Variants in FRA10AC1 observed in about 807,000 individuals in gnomAD.
FRA10AC1 encodes protein FRA10AC1.
In FRA10AC1, 43 loss-of-function variants were observed where a neutral mutation model predicts 56.5. The ratio of observed to expected loss-of-function variants is 0.76; its 90% confidence interval spans 0.60 to 0.98. The LOEUF (loss-of-function observed/expected upper bound fraction) is 0.98, where lower values mean the gene tolerates loss of function less well. FRA10AC1 is among the 50% of genes least tolerant of loss of function. FRA10AC1 has a pLI of 0.00. For missense variants in FRA10AC1, 346 were observed against 351.8 expected (o/e 0.98, Z 0.13); for synonymous variants, 112 against 110.5 (o/e 1.01, Z -0.09).
In FRA10AC1 at chr10:93,685,285, T is replaced by C. The variant is rs1261740768; in HGVS notation, c.586A>G (p.Ile196Val). Reference protein sequence around the residue: ...LKSWEVNFGYIEHGEKRNALV... With the variant: ...LKSWEVNFGYVEHGEKRNALV... ...GCATTTCTCTTCTCACCATGCTCAA[T>C]ATAACCAAAATTAACTTCCCAACTC... is the stretch of plus-strand genomic sequence containing the variant. Residue 196 changes from isoleucine to valine, a missense_variant, in exon 9 of 14, where the codon ATT (isoleucine) becomes GTT (valine). Coordinates refer to ENST00000359204, the MANE Select transcript of FRA10AC1 (RefSeq NM_145246.5). The C allele has an allele frequency of 2.0e-5, 31 of 1,585,842 alleles. No homozygotes were observed. The highest frequency in any genetic ancestry group is 2.2e-5 in the Non-Finnish European group (26 of 1,156,324).
intron 2 of FRA10AC1, among the ~76,000 whole-genome samples, chr10:93,698,603 G>A (rs1457738400): frequency 6.6e-6 from 1 of 152,084 alleles, no homozygotes; most frequent in East Asian, 1.9e-4. Context: ...CGGGGAAGAT[G>A]AAACTAACAA....
chr10:93,671,088 A>C (rs1380690001), intron 12 of FRA10AC1: 2 of 390,210 alleles, frequency 5.1e-6, no homozygotes, highest in Non-Finnish European at 9.4e-6. Flanking sequence ...AACTTCTCTA[A>C]GTTACACTGA....
At chr10:93,670,071 AAAAAT>A (rs1383976948) in intron 13 of FRA10AC1, among the ~76,000 whole-genome samples, 1 of 152,154 alleles carries the variant, frequency 6.6e-6, no homozygotes, top group African/African-American at 2.4e-5. Context: ...TGATTAAAAT[AAAAAT>A]ATTTCATATG....
At chr10:93,687,593 A>G (rs1006168196) in intron 7 of FRA10AC1, 144 bp from the exon 8 acceptor site, 2 of 763,500 alleles carry the variant, frequency 2.6e-6, no homozygotes, top group South Asian at 4.5e-5. Flanking sequence ...ATAGGATTTG[A>G]AGAAAATACA....
chr10:93,691,908 A>G lies in FRA10AC1; in HGVS notation c.465+101T>C, dbSNP rs1228175449. 6 of 1,265,258 alleles carry G rather than the reference A, an allele frequency of 4.7e-6. No homozygotes were observed. In the African/African-American group the frequency reaches 9.5e-5, roughly 20 times the overall value. 78.4% of individuals were successfully genotyped at this position (1,265,258 alleles called of 1,614,324 possible). Reference sequence around the variant, plus strand: ...TAAACGCAGGACAACTGAGTCTAGAATTAGCATCTTTAAAAGAATAATGTG... The same window carrying G: ...TAAACGCAGGACAACTGAGTCTAGAGTTAGCATCTTTAAAAGAATAATGTG... On this transcript the variant is annotated intron_variant, in intron 7 of 13. Coordinates refer to ENST00000359204, the MANE Select transcript of FRA10AC1 (RefSeq NM_145246.5).
chr10:93,671,356 C>A (rs1307005001), intron 12 of FRA10AC1: 1 of 152,596 alleles, frequency 6.6e-6, no homozygotes. Flanking sequence ...TGAGAAGAAG[C>A]CTGTTTCAGG....
chr10:93,690,838 T>G (rs907223277), intron 7 of FRA10AC1, among the ~76,000 whole-genome samples: 1 of 152,144 alleles, frequency 6.6e-6, no homozygotes, highest in African/African-American at 2.4e-5. Context: ...GAAACAGCAG[T>G]TCTGGGGATA....
At chr10:93,699,042 C>T (rs892630543) in intron 2 of FRA10AC1, among the ~76,000 whole-genome samples, 1 of 152,100 alleles carries the variant, frequency 6.6e-6, no homozygotes, top group Non-Finnish European at 1.5e-5. Context: ...TGGCCCAAGA[C>T]AATTCTTCTT....
At chr10:93,686,439 T>A (rs1276113966) in intron 8 of FRA10AC1, among the ~76,000 whole-genome samples, 1 of 151,844 alleles carries the variant, frequency 6.6e-6, no homozygotes, top group East Asian at 1.9e-4. Flanking sequence ...GGTAGCATTA[T>A]AAACTCACCT....
At position 93,684,175 on chromosome 10, in the gene FRA10AC1, G is replaced by A. The variant is rs111634734; in HGVS notation, c.626-77C>T. ...AATCTACTTTTAATATCATAAATTC[G>A]CACTTTCTTTATATTCCATTACTAT... On this transcript the variant is annotated intron_variant, in intron 9 of 13. Transcript: ENST00000359204. 8.5e-4 allele frequency: 924 copies of A among 1,085,374 alleles called. 6 individuals carry two copies. The African/African-American group carries it at 0.013, about 15-fold the overall frequency. 67.2% of individuals were successfully genotyped at this position (1,085,374 alleles called of 1,614,324 possible). A position where few individuals can be genotyped will look rare whatever the true frequency, so the allele number is the denominator to read the frequency against.
At position 93,669,297 on chromosome 10, in the gene FRA10AC1, T is replaced by C. The variant is rs2058724773; in HGVS notation, c.*529A>G. The C allele has an allele frequency of 6.6e-6, 1 of 152,190 alleles. No homozygotes were observed. Among genetic ancestry groups the C allele is most frequent in the Non-Finnish European group, 1.5e-5 (1 of 68,146 alleles). The allele number at this position is 152,190 out of a possible 1,614,324, so 9.4% of individuals were successfully genotyped here. On this transcript the variant is annotated 3_prime_UTR_variant, in exon 14 of 14. Coordinates refer to ENST00000359204, the MANE Select transcript of FRA10AC1 (RefSeq NM_145246.5). ...GTAATTTAAAATAATTGGCAGAGCA[T>C]GGTGGCTCACACCTGTAATCCCAGC...
intron 1 of FRA10AC1, among the ~76,000 whole-genome samples, chr10:93,701,812 G>GAT (rs2059337532): frequency 6.6e-6 from 1 of 151,952 alleles, no homozygotes; most frequent in African/African-American, 2.4e-5. Context: ...TGTGTTTAGA[G>GAT]ATATATTCTA....
At chr10:93,694,193 C>T (rs140845304) in intron 5 of FRA10AC1, among the ~76,000 whole-genome samples, 2 of 152,292 alleles carry the variant, frequency 1.3e-5, no homozygotes, top group East Asian at 1.9e-4. Flanking sequence ...ACTGAGAGTT[C>T]TTGTTTACCT....
rs148473750 is a variant in FRA10AC1, at chr10:93,702,345, C to A, written c.-1+30G>T. The stretch of plus-strand genomic sequence containing the variant: ...AGTTTTGAGGTCCTTCTCCCTGATG[C>A]CAAATATACCCACAGCCCTCCTCAC... On this transcript the variant is annotated intron_variant, in intron 1 of 13. Coordinates refer to ENST00000359204, the MANE Select transcript of FRA10AC1 (RefSeq NM_145246.5). 429 of 154,366 alleles carry A rather than the reference C, an allele frequency of 2.8e-3. 1 individual carries two copies. Among genetic ancestry groups the A allele is most frequent in the Middle Eastern group, 6.7e-3 (2 of 300 alleles). 9.6% of individuals were successfully genotyped at this position (154,366 alleles called of 1,614,324 possible).
Position 93,676,663 on chromosome 10 carries a change from A to C in FRA10AC1, c.816T>G (p.Asp272Glu), listed in dbSNP as rs1276820262. The change falls in exon 12 of 14, where the codon GAT becomes GAG. Residue 272 changes from aspartate (D) to glutamate (E), a missense_variant. Physicochemically the swap from Asp to Glu is conservative, Grantham distance 45. Transcript: ENST00000359204. ...ACACTTGTTACTTACTAAGTAGAGA[A>C]TCTTCAGATTTCTTTGAAGATGAAT... is the stretch of plus-strand genomic sequence containing the variant. The part of the protein sequence containing the change: ...KGHSSSKKSE[D>E]SLLRNSDEEE... The C allele has an allele frequency of 1.9e-6, 3 of 1,566,206 alleles. No homozygotes were observed. The African/African-American group carries it at 4.1e-5, about 22-fold the overall frequency.
At chr10:93,670,705 G>A (rs1451475782) in intron 13 of FRA10AC1, 65 bp downstream of exon 13, 2 of 1,018,452 alleles carry the variant, frequency 2.0e-6, no homozygotes, top group African/African-American at 3.2e-5. Flanking sequence ...CATTAATAAA[G>A]CTGTGGTTAT....
chr10:93,672,662 A>T (rs1040357558), intron 12 of FRA10AC1: 1 of 152,184 alleles, frequency 6.6e-6, no homozygotes, highest in Admixed American at 6.6e-5. Context: ...GATACCAGTC[A>T]ATTTTACTAA....
chr10:93,685,415 T>C, intron 8 of FRA10AC1, 56 bp from the exon 9 acceptor site: 2 of 795,496 alleles, frequency 2.5e-6, no homozygotes, highest in Admixed American at 4.4e-5. Context: ...TTTATCTATA[T>C]GATCTAGTAT....
chr10:93,684,374 C>T (rs2058988749), intron 9 of FRA10AC1, among the ~76,000 whole-genome samples: 1 of 152,112 alleles, frequency 6.6e-6, no homozygotes. Flanking sequence ...TCCACAGGCA[C>T]ATTAACATGT....
Sources: allele counts gnomAD v4.1 joint callset (sites outside exome capture counted in the v4.1 genomes callset), GRCh38; gene constraint gnomAD v4.1.1; transcripts MANE v1.5; gene names NCBI Gene and HGNC (gene_info 2026-07-23, HGNC 2026-07-21).